ARPC3: variants seen among roughly 807,000 people sequenced by gnomAD.
ARPC3 encodes actin related protein 2/3 complex subunit 3, also known as actin-related protein 2/3 complex subunit 3.
Under a neutral mutation model 27.6 loss-of-function variants are expected in ARPC3, and 12 were observed. The ratio of observed to expected loss-of-function variants is 0.43; its 90% confidence interval spans 0.28 to 0.70. The LOEUF (loss-of-function observed/expected upper bound fraction) is 0.70. ARPC3 is among the 30% of genes least tolerant of loss of function. The pLI, the probability that ARPC3 is intolerant of heterozygous loss-of-function variation, is 0.17. For synonymous variants in ARPC3, 53 were observed against 67.2 expected, an observed-to-expected ratio of 0.79 and a Z score of 1.03; for missense variants, 153 against 207.7, an observed-to-expected ratio of 0.74 and a Z score of 1.62.
intron 2 of ARPC3, among the ~76,000 whole-genome samples, chr12:110,443,490 T>G (rs1030922657): frequency 6.6e-6 from 1 of 152,036 alleles, no homozygotes; most frequent in Non-Finnish European, 1.5e-5. Flanking sequence ...TGGAGTGCCA[T>G]GGCACAATCT....
At chr12:110,440,708 C>T (rs777264931) in intron 2 of ARPC3, among the ~76,000 whole-genome samples, 6 of 145,884 alleles carry the variant, frequency 4.1e-5, no homozygotes, top group Middle Eastern at 3.8e-3. Context: ...CACCACACCC[C>T]GCTAATTTTT....
chr12:110,445,011 C>T (rs568870789), intron 2 of ARPC3: 2 of 223,152 alleles, frequency 9.0e-6, no homozygotes, highest in African/African-American at 2.3e-5. Context: ...ACATAGTACA[C>T]TTCAGATTTA....
Position 110,450,284 on chromosome 12 carries a change from C to A in ARPC3, c.-24G>T. ...ATCTTGGCGGCGCCCGGGTTTCAACCCAGAGGAGCAGGATCCAGGTACAGC... is the reference window on the plus strand; with the variant it reads ...ATCTTGGCGGCGCCCGGGTTTCAACACAGAGGAGCAGGATCCAGGTACAGC... On this transcript the variant is annotated 5_prime_UTR_variant, in exon 1 of 7. Coordinates refer to ENST00000228825, the MANE Select transcript of ARPC3 (RefSeq NM_001278556.2). 6.2e-7 allele frequency: 1 copy of A among 1,614,008 alleles called. No homozygotes were observed. The highest frequency in any genetic ancestry group is 8.5e-7 in the Non-Finnish European group (1 of 1,179,964).
intron 2 of ARPC3, among the ~76,000 whole-genome samples, chr12:110,443,587 C>A (rs1399214290): frequency 2.0e-5 from 3 of 152,106 alleles, no homozygotes; most frequent in Non-Finnish European, 4.4e-5. Flanking sequence ...TGCCTGCCAC[C>A]ACAGCTAGCT....
intron 1 of ARPC3, among the ~76,000 whole-genome samples, chr12:110,445,836 G>A (rs570701742): frequency 6.6e-6 from 1 of 152,288 alleles, no homozygotes; most frequent in East Asian, 1.9e-4. Flanking sequence ...GGACGTGGTG[G>A]CTCATGCCTG....
intron 1 of ARPC3, among the ~76,000 whole-genome samples, chr12:110,446,236 G>A (rs2062463632): frequency 6.7e-6 from 1 of 149,008 alleles, no homozygotes; most frequent in South Asian, 2.1e-4. Flanking sequence ...TGTTCCTCCT[G>A]CCTCAGCCTC....
chr12:110,436,697 T>TATATATATATA lies in ARPC3; in HGVS notation c.253-25_253-15dup. On this transcript the variant is annotated splice_polypyrimidine_tract_variant and intron_variant, in intron 4 of 6. Coordinates refer to ENST00000228825, the MANE Select transcript of ARPC3 (RefSeq NM_001278556.2). ...TTTGGAATTGCACTGGAAAAAAAAA[T>TATATATATATA]ATATATATATATATACACACACACA... 3 of 602,732 alleles carry TATATATATATA rather than the reference T, an allele frequency of 5.0e-6. No individual in the cohort carries two copies. The highest frequency in any genetic ancestry group is 7.8e-6 in the Non-Finnish European group (3 of 383,110). 37.3% of individuals were successfully genotyped at this position (602,732 alleles called of 1,614,324 possible). A position where few individuals can be genotyped will look rare whatever the true frequency, so the allele number is the denominator to read the frequency against.
At chr12:110,439,078 T>C (rs2062421295) in intron 3 of ARPC3, among the ~76,000 whole-genome samples, 1 of 150,328 alleles carries the variant, frequency 6.7e-6, no homozygotes, top group African/African-American at 2.5e-5. Context: ...CATCACCTCC[T>C]GGGTTCAAGC....
In ARPC3 at chr12:110,435,223, A is replaced by AAGAG; in HGVS notation, c.475-10_475-7dup. 1 of 1,610,162 alleles carries AAGAG rather than the reference A, an allele frequency of 6.2e-7. No homozygotes were observed. Among genetic ancestry groups the AAGAG allele is most frequent in the South Asian group, 1.1e-5 (1 of 90,990 alleles). ...TTCACAAAGCAAGTCCACCACTAAC[A>AAGAG]AGAGAGAACAACACAGAATGAACAG... On this transcript the variant is annotated splice_region_variant and splice_polypyrimidine_tract_variant and intron_variant, in intron 6 of 6. Coordinates refer to ENST00000228825, the MANE Select transcript of ARPC3 (RefSeq NM_001278556.2).
intron 2 of ARPC3, 90 bp from the exon 3 acceptor site, chr12:110,440,478 A>G: frequency 7.2e-6 from 6 of 832,560 alleles, no homozygotes; most frequent in Non-Finnish European, 1.1e-5. Context: ...AAACACATAC[A>G]ACTGTCAACA....
Position 110,450,323 on chromosome 12 carries a change from T to C in ARPC3, c.-63A>G, listed in dbSNP as rs1206072542. 1.2e-6 allele frequency: 2 copies of C among 1,611,152 alleles called. No homozygotes were observed. Among genetic ancestry groups the C allele is most frequent in the African/African-American group, 1.3e-5 (1 of 74,854 alleles). On this transcript the variant is annotated 5_prime_UTR_variant, in exon 1 of 7. Transcript: ENST00000228825. Reference sequence around the variant, plus strand: ...TCCAGGTACAGCGGAGCGCTTCCGGTCTGGCAGCCTGGGCGAGGTAGGCGG... The same window carrying C: ...TCCAGGTACAGCGGAGCGCTTCCGGCCTGGCAGCCTGGGCGAGGTAGGCGG...
intron 3 of ARPC3, 23 bp from the exon 4 acceptor site, chr12:110,437,175 TA>T: frequency 6.9e-7 from 1 of 1,441,638 alleles, no homozygotes; most frequent in Non-Finnish European, 9.8e-7. Context: ...AAAGAAGACT[TA>T]AAAACAGTTA....
In ARPC3 at chr12:110,440,141, G is replaced by GA. The variant is rs200003153; in HGVS notation, c.183+170dup. On this transcript the variant is annotated intron_variant, in intron 3 of 6. Transcript: ENST00000228825. Reference sequence around the variant, plus strand: ...CCAACCCCTGGTATAGAATTTGGAGGAAAAAAAAAGAAACTAATATTTATA... The same window carrying GA: ...CCAACCCCTGGTATAGAATTTGGAGGAAAAAAAAAAGAAACTAATATTTATA... Among the ~76,000 whole-genome samples, 1,251 of 150,310 alleles carry GA rather than the reference G, an allele frequency of 8.3e-3. 17 individuals carry two copies. The highest frequency in any genetic ancestry group is 0.011 in the Non-Finnish European group (771 of 67,502).
chr12:110,439,743 A>G (rs2062425975), intron 3 of ARPC3, among the ~76,000 whole-genome samples: 1 of 152,214 alleles, frequency 6.6e-6, no homozygotes, highest in East Asian at 1.9e-4. Context: ...CTGAGGCAGG[A>G]GGACTGTCTG....
Position 110,436,110 on chromosome 12 carries a change from C to A in ARPC3, c.474G>T (p.Lys158Asn). ...VFDPQNDKPS[K>N]WWTCFVKRQF... ...TAAGCAGGCAAGAAGAGGGTCTTAC[C>A]TTGCTGGGTTTATCATTCTGAGGGT... Residue 158 changes from lysine (K) to asparagine (N), a missense_variant and splice_region_variant, in exon 6 of 7, where the codon AAG becomes AAT. By Grantham distance (94) the Lys-to-Asn change is moderately conservative (BLOSUM62 0). Coordinates refer to ENST00000228825, the MANE Select transcript of ARPC3 (RefSeq NM_001278556.2). 1 of 1,610,948 alleles carries A rather than the reference C, an allele frequency of 6.2e-7. No individual in the cohort carries two copies. The highest frequency in any genetic ancestry group is 8.5e-7 in the Non-Finnish European group (1 of 1,177,772).
At position 110,435,145 on chromosome 12, in the gene ARPC3, C is replaced by T. The variant is rs771003530; in HGVS notation, c.*10G>A. 2.4e-5 allele frequency: 39 copies of T among 1,612,422 alleles called. No individual in the cohort carries two copies. The highest frequency in any genetic ancestry group is 1.7e-4 in the Middle Eastern group (1 of 5,858). On this transcript the variant is annotated 3_prime_UTR_variant, in exon 7 of 7. Coordinates refer to ENST00000228825, the MANE Select transcript of ARPC3 (RefSeq NM_001278556.2). Reference sequence around the variant, plus strand: ...CAGGGCTCTGGAGACGGTGGCTGCCCGGGCTCCCTTCACTGTCCAGGTCCT... The same window carrying T: ...CAGGGCTCTGGAGACGGTGGCTGCCTGGGCTCCCTTCACTGTCCAGGTCCT...
chr12:110,447,886 CTTT>C (rs796202139), intron 1 of ARPC3, among the ~76,000 whole-genome samples: 2 of 107,166 alleles, frequency 1.9e-5, no homozygotes, highest in South Asian at 3.3e-4. Context: ...ATTTAGAGTC[CTTT>C]TTTTTTTTTT....
At chr12:110,437,587 C>T (rs2062413414) in intron 3 of ARPC3, among the ~76,000 whole-genome samples, 1 of 152,108 alleles carries the variant, frequency 6.6e-6, no homozygotes, top group Non-Finnish European at 1.5e-5. Flanking sequence ...AGGTTGGTCT[C>T]GAACTCCTGA....
intron 1 of ARPC3, among the ~76,000 whole-genome samples, chr12:110,446,091 A>C (rs1201054934): frequency 6.6e-6 from 1 of 151,444 alleles, no homozygotes; most frequent in East Asian, 1.9e-4. Flanking sequence ...CAACAGAGCA[A>C]GACTGTCTCA....
Sources: allele counts gnomAD v4.1 joint callset (sites outside exome capture counted in the v4.1 genomes callset), GRCh38; gene constraint gnomAD v4.1.1; transcripts MANE v1.5; gene names NCBI Gene and HGNC (gene_info 2026-07-23, HGNC 2026-07-21).